Variants in GSAP observed in about 807,000 individuals in gnomAD.
GSAP encodes the protein gamma-secretase-activating protein.
Under a neutral mutation model 131.7 loss-of-function variants are expected in GSAP, and 118 were observed. That is an observed-to-expected ratio of 0.90 (90% CI 0.77 to 1.04). GSAP has a LOEUF of 1.04. Ranked by LOEUF, GSAP falls within the 50% of genes least tolerant of loss-of-function variation. The pLI, the probability that GSAP is intolerant of heterozygous loss-of-function variation, is 0.00. For missense variants in GSAP, 1,019 were observed against 1,013.2 expected (o/e 1.01, Z -0.08); for synonymous variants, 381 against 363.4 (o/e 1.05, Z -0.55).
chr7:77,337,016 ATT>A (rs1790087193), intron 19 of GSAP, among the ~76,000 whole-genome samples: 1 of 152,172 alleles, frequency 6.6e-6, no homozygotes, highest in African/African-American at 2.4e-5. Flanking sequence ...ATTGTAAACT[ATT>A]ATACTGTAAT....
intron 18 of GSAP, among the ~76,000 whole-genome samples, chr7:77,349,859 T>C (rs575674592): frequency 2.4e-4 from 37 of 152,266 alleles, no homozygotes; most frequent in African/African-American, 8.9e-4. Context: ...GATTCTTGCA[T>C]GACTTGACTG....
chr7:77,395,632 G>A (rs1479747713), intron 5 of GSAP, among the ~76,000 whole-genome samples: 1 of 152,100 alleles, frequency 6.6e-6, no homozygotes, highest in African/African-American at 2.4e-5. Context: ...GATTTCAGAT[G>A]AGCCTCCTGC....
chr7:77,400,049 C>T (rs550169955), intron 3 of GSAP, among the ~76,000 whole-genome samples: 29 of 152,140 alleles, frequency 1.9e-4, no homozygotes, highest in Admixed American at 9.2e-4. Flanking sequence ...TATAACCACC[C>T]TAAGTCCAGC....
chr7:77,395,846 A>T (rs1800291145), intron 5 of GSAP, among the ~76,000 whole-genome samples: 1 of 152,210 alleles, frequency 6.6e-6, no homozygotes, highest in African/African-American at 2.4e-5. Flanking sequence ...GAAGTAATTA[A>T]AGAAGGAATT....
At chr7:77,376,534 G>C (rs1796888834) in intron 10 of GSAP, among the ~76,000 whole-genome samples, 2 of 152,122 alleles carry the variant, frequency 1.3e-5, no homozygotes, top group Admixed American at 6.5e-5. Context: ...CCAGCCCTTT[G>C]GGAGGCCGAG....
intron 1 of GSAP, among the ~76,000 whole-genome samples, 194 bp downstream of exon 1, chr7:77,416,018 GC>G (rs1563157252): frequency 6.6e-6 from 1 of 152,208 alleles, no homozygotes; most frequent in East Asian, 1.9e-4. Flanking sequence ...CCCGGGCTCT[GC>G]CCCCAGACCT....
chr7:77,413,241 C>A (rs1423217788), intron 1 of GSAP, among the ~76,000 whole-genome samples: 1 of 152,174 alleles, frequency 6.6e-6, no homozygotes, highest in Non-Finnish European at 1.5e-5. Flanking sequence ...GACCTTGGGT[C>A]CCTCAAAGAG....
In GSAP at chr7:77,326,216, C is replaced by G. The variant is rs375581536; in HGVS notation, c.1823G>C (p.Gly608Ala). The change falls in exon 23 of 31, where the codon GGG becomes GCG. Residue 608 changes from glycine to alanine, a missense_variant. Physicochemically the swap from Gly to Ala is moderately conservative, Grantham distance 60. Coordinates refer to ENST00000257626, the MANE Select transcript of GSAP (RefSeq NM_017439.4). ...EEDSHQRLLM[G>A]LMVSELKDHF... ...AAGAACCCACGTACCACTTACCAGCCCCATGAGCAGCCGCTGGTGGCTGTC... is the reference window on the plus strand; with the variant it reads ...AAGAACCCACGTACCACTTACCAGCGCCATGAGCAGCCGCTGGTGGCTGTC... 1.9e-6 allele frequency: 3 copies of G among 1,611,118 alleles called. No individual in the cohort carries two copies. The highest frequency in any genetic ancestry group is 3.3e-4 in the Middle Eastern group (2 of 6,082).
At chr7:77,331,799 T>G (rs926433392) in intron 19 of GSAP, 4 of 151,782 alleles carry the variant, frequency 2.6e-5, no homozygotes, top group South Asian at 2.1e-4. Context: ...CACTCCTCAC[T>G]TGACTCACCT....
Position 77,334,579 on chromosome 7 carries a change from T to TAAAAAAAAAAAAAAAAAAAA in GSAP, c.1546-4213_1546-4212insTTTTTTTTTTTTTTTTTTTT, listed in dbSNP as rs1200040086. 4.8e-3 allele frequency among the ~76,000 whole-genome samples: 395 copies of TAAAAAAAAAAAAAAAAAAAA among 82,276 alleles called. 49 individuals are homozygous for TAAAAAAAAAAAAAAAAAAAA. Among genetic ancestry groups the TAAAAAAAAAAAAAAAAAAAA allele is most frequent in the Non-Finnish European group, 6.9e-3 (294 of 42,516 alleles). The allele number at this position is 82,276 out of a possible 152,430, so 54.0% of individuals were successfully genotyped here. On this transcript the variant is annotated intron_variant, in intron 19 of 30. Coordinates refer to ENST00000257626, the MANE Select transcript of GSAP (RefSeq NM_017439.4). ...GCCCATGTATCCTGGAACTTAAAAT[T>TAAAAAAAAAAAAAAAAAAAA]TAAAAAAAAAAAAAAAAAAAAAAAA... is the stretch of plus-strand genomic sequence containing the variant.
intron 5 of GSAP, among the ~76,000 whole-genome samples, chr7:77,392,266 G>A (rs10279127): frequency 0.12 from 18,663 of 150,610 alleles, 1,667 homozygotes; most frequent in East Asian, 0.41. Context: ...TATCAGTGGA[G>A]ACTGGACACA....
At chr7:77,368,970 G>A (rs531167182) in intron 12 of GSAP, among the ~76,000 whole-genome samples, 5 of 152,250 alleles carry the variant, frequency 3.3e-5, no homozygotes, top group Admixed American at 6.5e-5. Context: ...ATATCTCAAC[G>A]TTGGCTAGCC....
At chr7:77,370,796 A>T (rs922833144) in intron 12 of GSAP, among the ~76,000 whole-genome samples, 3 of 152,050 alleles carry the variant, frequency 2.0e-5, no homozygotes, top group African/African-American at 7.2e-5. Flanking sequence ...CCACAACACA[A>T]ACAGCTCATA....
intron 19 of GSAP, among the ~76,000 whole-genome samples, chr7:77,345,866 T>A (rs908931396): frequency 6.6e-6 from 1 of 152,202 alleles, no homozygotes; most frequent in Non-Finnish European, 1.5e-5. Context: ...TCTCTTCACC[T>A]GGACGCACGT....
At chr7:77,371,697 G>C (rs372469634) in intron 12 of GSAP, among the ~76,000 whole-genome samples, 3 of 152,062 alleles carry the variant, frequency 2.0e-5, no homozygotes, top group Non-Finnish European at 2.9e-5. Context: ...TCGGCCTCCC[G>C]AAGTTCTGGG....
intron 6 of GSAP, among the ~76,000 whole-genome samples, chr7:77,387,074 AT>A (rs1798682459): frequency 6.6e-6 from 1 of 152,238 alleles, no homozygotes; most frequent in Admixed American, 6.5e-5. Context: ...ATGCAAATAC[AT>A]TATATTGACC....
intron 1 of GSAP, among the ~76,000 whole-genome samples, chr7:77,407,780 T>C (rs188697363): frequency 7.8e-4 from 119 of 152,268 alleles, no homozygotes; most frequent in African/African-American, 2.7e-3. Context: ...TCAAAAGAAA[T>C]ATATACATAT....
intron 5 of GSAP, among the ~76,000 whole-genome samples, chr7:77,391,585 A>G (rs907948597): frequency 2.6e-5 from 4 of 152,180 alleles, no homozygotes; most frequent in African/African-American, 9.7e-5. Flanking sequence ...ACACTTTTGG[A>G]GGCCAAGGCA....
chr7:77,329,457 G>A (rs1285071596), intron 20 of GSAP, 66 bp from the exon 21 acceptor site: 2 of 798,950 alleles, frequency 2.5e-6, no homozygotes, highest in East Asian at 5.4e-5. Context: ...TCACGTCAAG[G>A]ATATAATGCA....
Sources: gnomAD v4.1 joint callset for allele counts (sites outside exome capture counted in the v4.1 genomes callset) on GRCh38, gnomAD v4.1.1 for gene constraint, MANE v1.5 for transcripts, NCBI Gene and HGNC (gene_info 2026-07-23, HGNC 2026-07-21) for gene names.